RBFOX2: variants seen among roughly 807,000 people sequenced by gnomAD.
RBFOX2 encodes RNA binding protein fox-1 homolog 2.
A neutral mutation model predicts 49.1 loss-of-function variants in RBFOX2; 10 were observed. The observed-to-expected ratio is 0.20, with a 90% CI of 0.13 to 0.35. The LOEUF (loss-of-function observed/expected upper bound fraction) is 0.35, where lower values mean the gene tolerates loss of function less well. Among genes scored for constraint, RBFOX2 ranks in the 10% least tolerant of loss-of-function variants. The probability of loss-of-function intolerance (pLI) is 1.00; values close to 1 mark genes in which losing one functional copy is unlikely to be tolerated. For synonymous variants in RBFOX2, 183 were observed against 187.4 expected, an observed-to-expected ratio of 0.98 and a Z score of 0.19; for missense variants, 323 against 486.9, an observed-to-expected ratio of 0.66 and a Z score of 3.17.
At chr22:35,957,492 A>G (rs2055707373) in intron 1 of RBFOX2, among the ~76,000 whole-genome samples, 1 of 152,198 alleles carries the variant, frequency 6.6e-6, no homozygotes, top group Non-Finnish European at 1.5e-5. Context: ...CTTACAGATA[A>G]GAAAACCAAT....
chr22:36,028,299 C>A (rs1307810536), exon 1 of RBFOX2: 16 of 1,532,144 alleles, frequency 1.0e-5, no homozygotes, highest in Non-Finnish European at 1.4e-5. Flanking sequence ...TTGCTCAGGC[C>A]GGGATCGGCT....
chr22:35,949,021 T>C (rs11913878), intron 1 of RBFOX2, among the ~76,000 whole-genome samples: 11,700 of 152,198 alleles, frequency 0.077, 469 homozygotes, highest in South Asian at 0.085. Flanking sequence ...TTTGTCTCCA[T>C]CAATGTGACT....
intron 1 of RBFOX2, among the ~76,000 whole-genome samples, chr22:36,025,719 A>G (rs547200038): frequency 1.5e-4 from 23 of 152,352 alleles, no homozygotes; most frequent in African/African-American, 5.3e-4. Flanking sequence ...AACTGGACTT[A>G]TAACTTTTAG....
intron 1 of RBFOX2, chr22:35,840,172 C>T (rs1380258365): frequency 1.9e-6 from 3 of 1,612,926 alleles, no homozygotes; most frequent in African/African-American, 1.3e-5. Flanking sequence ...AGAAACATGC[C>T]GAGGAAGCAC....
upstream of RBFOX2, chr22:35,939,094 C>A: frequency 1.4e-6 from 1 of 700,104 alleles, no homozygotes; most frequent in Non-Finnish European, 2.6e-6. Context: ...ACAGTATTTG[C>A]TTAGGAGCAC....
intron 1 of RBFOX2, among the ~76,000 whole-genome samples, chr22:35,859,340 G>C (rs2042873025): frequency 6.6e-6 from 1 of 152,192 alleles, no homozygotes; most frequent in African/African-American, 2.4e-5. Flanking sequence ...GCATAAAACA[G>C]CATAGCATAC....
intron 1 of RBFOX2, among the ~76,000 whole-genome samples, chr22:35,878,054 A>ACACACACACACACACT (rs2045388476): frequency 6.6e-6 from 1 of 151,198 alleles, no homozygotes; most frequent in Admixed American, 6.6e-5. Flanking sequence ...ACACACACAC[A>ACACACACACACACACT]CACACACACA....
chr22:35,858,561 C>T (rs939424530), intron 1 of RBFOX2, among the ~76,000 whole-genome samples: 5 of 152,260 alleles, frequency 3.3e-5, no homozygotes, highest in Non-Finnish European at 7.4e-5. Context: ...CACGGTGGCT[C>T]AGGCCTGTAA....
chr22:35,769,189 T>C (rs189311546), intron 4 of RBFOX2, among the ~76,000 whole-genome samples: 1 of 152,180 alleles, frequency 6.6e-6, no homozygotes, highest in East Asian at 1.9e-4. Flanking sequence ...TTTCTATATA[T>C]AGAGAAAAAA....
At chr22:35,767,354 T>G (rs1327127545) in intron 5 of RBFOX2, among the ~76,000 whole-genome samples, 1 of 152,236 alleles carries the variant, frequency 6.6e-6, no homozygotes, top group African/African-American at 2.4e-5. Flanking sequence ...TCTCTAGTGC[T>G]TTTGTTCACT....
chr22:35,840,610 G>A (rs577605878), upstream of RBFOX2: 110 of 1,129,152 alleles, frequency 9.7e-5, no homozygotes, highest in Non-Finnish European at 1.1e-4. Context: ...TACGCTGTGC[G>A]CACGCGTGTG....
upstream of RBFOX2, among the ~76,000 whole-genome samples, chr22:35,845,235 A>G (rs1484967784): frequency 6.6e-6 from 1 of 152,128 alleles, no homozygotes; most frequent in Non-Finnish European, 1.5e-5. Context: ...GATATTAAAT[A>G]CCTTTCCAGA....
chr22:35,821,602 CAAAAAAAAAAAAA>C (rs1158936385), intron 1 of RBFOX2, among the ~76,000 whole-genome samples: 17 of 36,452 alleles, frequency 4.7e-4, no homozygotes, highest in South Asian at 2.4e-3. Context: ...ACTCCGTCTC[CAAAAAAAAAAAAA>C]AAAAAAAAAA....
chr22:35,974,219 C>A (rs1334893693), intron 1 of RBFOX2, among the ~76,000 whole-genome samples: 1 of 152,206 alleles, frequency 6.6e-6, no homozygotes, highest in African/African-American at 2.4e-5. Context: ...AGAATTGCCG[C>A]CTTTTCCTTA....
At chr22:36,027,210 C>T (rs976723011) in intron 1 of RBFOX2, among the ~76,000 whole-genome samples, 6 of 152,174 alleles carry the variant, frequency 3.9e-5, no homozygotes, top group African/African-American at 1.4e-4. Context: ...TAAGAATCTT[C>T]CAAGTCTTCC....
chr22:36,028,049 C>A (rs1374661966), intron 1 of RBFOX2, among the ~76,000 whole-genome samples, 191 bp downstream of exon 1: 1 of 152,154 alleles, frequency 6.6e-6, no homozygotes, highest in East Asian at 1.9e-4. Flanking sequence ...CTCGGGCACA[C>A]CAGGTTCAGT....
intron 2 of RBFOX2, among the ~76,000 whole-genome samples, chr22:35,794,630 C>T (rs1948424368): frequency 6.6e-6 from 1 of 151,658 alleles, no homozygotes; most frequent in South Asian, 2.1e-4. Context: ...TGCACTCCAG[C>T]CTGGGTAACA....
chr22:35,890,843 T>C (rs1293437421), intron 1 of RBFOX2, among the ~76,000 whole-genome samples: 3 of 152,092 alleles, frequency 2.0e-5, no homozygotes, highest in Non-Finnish European at 4.4e-5. Context: ...CAAAAGAAGC[T>C]AGCATAAAAT....
At chr22:35,745,883 T>C (rs1203003092) in intron 11 of RBFOX2, 40 bp downstream of exon 13, 2 of 1,556,898 alleles carry the variant, frequency 1.3e-6, no homozygotes, top group East Asian at 4.5e-5. Flanking sequence ...AAAGAAGGAA[T>C]GAAATGGTTT....
Sources: gnomAD v4.1 joint callset for allele counts (sites outside exome capture counted in the v4.1 genomes callset) on GRCh38, gnomAD v4.1.1 for gene constraint, MANE v1.5 for transcripts, NCBI Gene and HGNC (gene_info 2026-07-23, HGNC 2026-07-21) for gene names.